DYRK4: variants seen among roughly 807,000 people sequenced by gnomAD.
DYRK4 encodes the protein dual specificity tyrosine phosphorylation regulated kinase 4, also known as dual specificity tyrosine-phosphorylation-regulated kinase 4.
DYRK4 carries 64 observed loss-of-function variants against 68.3 expected under a neutral mutation model. The observed-to-expected ratio is 0.94, with a 90% CI of 0.77 to 1.15. The LOEUF is 1.15. Ranked by LOEUF, DYRK4 falls within the 50% of genes most tolerant of loss-of-function variation. The pLI, the probability that DYRK4 is intolerant of heterozygous loss-of-function variation, is 0.00. For missense variants in DYRK4, 740 were observed against 764.7 expected (o/e 0.97, Z 0.38); for synonymous variants, 274 against 289.9 (o/e 0.95, Z 0.56).
intron 2 of DYRK4, among the ~76,000 whole-genome samples, chr12:4,575,316 T>TGTGTGTGTGTGTGTGTGTGTGTGA (rs1944777580): frequency 6.6e-6 from 1 of 151,680 alleles, no homozygotes; most frequent in Non-Finnish European, 1.5e-5. Context: ...TGTGTGTGTG[T>TGTGTGTGTGTGTGTGTGTGTGTGA]GTGTGTTTTC....
intron 12 of DYRK4, 115 bp from the exon 13 acceptor site, chr12:4,610,040 G>T (rs1210691350): frequency 2.4e-5 from 19 of 781,418 alleles, no homozygotes. Context: ...GTGGCATGAG[G>T]CGAGTGTGTA....
At chr12:4,577,459 T>C (rs1026169444) in intron 2 of DYRK4, among the ~76,000 whole-genome samples, 1 of 152,224 alleles carries the variant, frequency 6.6e-6, no homozygotes, top group Non-Finnish European at 1.5e-5. Flanking sequence ...TGTGGGTCTA[T>C]TTATGGGGCC....
chr12:4,593,274 G>A lies in DYRK4; in HGVS notation c.627+109G>A, dbSNP rs542189982. The A allele has an allele frequency of 2.4e-6, 3 of 1,256,524 alleles. No individual in the cohort carries two copies. In the South Asian group the frequency reaches 4.6e-5, roughly 19 times the overall value. 77.8% of individuals were successfully genotyped at this position (1,256,524 alleles called of 1,614,324 possible). A position where few individuals can be genotyped will look rare whatever the true frequency, so the allele number is the denominator to read the frequency against. ...TAGTATTTGGGGCTGATACGTTGGA[G>A]ACTAGATATCCTGAAGTATTCTGGT... On this transcript the variant is annotated intron_variant, in intron 6 of 14. Transcript: ENST00000543431.
At chr12:4,580,134 G>A (rs1268422282) in intron 2 of DYRK4, among the ~76,000 whole-genome samples, 1 of 152,174 alleles carries the variant, frequency 6.6e-6, no homozygotes, top group African/African-American at 2.4e-5. Flanking sequence ...TCTCCCCAAG[G>A]CCCTGCACTG....
intron 1 of DYRK4, among the ~76,000 whole-genome samples, chr12:4,563,930 G>T (rs1394941817): frequency 6.6e-6 from 1 of 152,190 alleles, no homozygotes; most frequent in Non-Finnish European, 1.5e-5. Context: ...GTGTGAAATG[G>T]GTTGCCTAGA....
chr12:4,566,296 G>A (rs1181755442), intron 1 of DYRK4, among the ~76,000 whole-genome samples: 1 of 152,174 alleles, frequency 6.6e-6, no homozygotes, highest in Non-Finnish European at 1.5e-5. Context: ...ACTCTAACTT[G>A]GACTACGTGC....
At chr12:4,577,793 T>C (rs1216266843) in intron 2 of DYRK4, among the ~76,000 whole-genome samples, 2 of 152,224 alleles carry the variant, frequency 1.3e-5, no homozygotes, top group Non-Finnish European at 2.9e-5. Flanking sequence ...TAGATCCTCT[T>C]TGATTTCTTC....
chr12:4,572,874 A>G (rs1282644757), intron 2 of DYRK4: 3 of 166,436 alleles, frequency 1.8e-5, no homozygotes, highest in Admixed American at 5.9e-5. Flanking sequence ...AGACGGGCTT[A>G]TCAGTGAGTG....
intron 2 of DYRK4, among the ~76,000 whole-genome samples, chr12:4,584,919 G>A (rs1944879861): frequency 6.6e-6 from 1 of 152,100 alleles, no homozygotes; most frequent in Non-Finnish European, 1.5e-5. Context: ...GAAACATGAG[G>A]ATGGAGTTTG....
In DYRK4 at chr12:4,596,890, G is replaced by A. The variant is rs1304942578; in HGVS notation, c.905+161G>A. On this transcript the variant is annotated intron_variant, in intron 8 of 14. Transcript: ENST00000543431. Reference sequence around the variant, plus strand: ...CAGAATGCCCAGGAGCAAGGAGGTTGGGATGAAAGCAGGCCATCTTGGTAT... The same window carrying A: ...CAGAATGCCCAGGAGCAAGGAGGTTAGGATGAAAGCAGGCCATCTTGGTAT... The A allele has an allele frequency of 6.8e-6, 10 of 1,467,246 alleles. No individual in the cohort carries two copies. The East Asian group carries it at 2.0e-4, about 29-fold the overall frequency. The allele number at this position is 1,467,246 out of a possible 1,614,324, so 90.9% of individuals were successfully genotyped here. A position where few individuals can be genotyped will look rare whatever the true frequency, so the allele number is the denominator to read the frequency against.
At chr12:4,571,503 C>A (rs986952330) in intron 2 of DYRK4, among the ~76,000 whole-genome samples, 7 of 152,258 alleles carry the variant, frequency 4.6e-5, no homozygotes, top group Non-Finnish European at 1.0e-4. Flanking sequence ...GTGTCAGATA[C>A]ACACCAGAGT....
intron 6 of DYRK4, among the ~76,000 whole-genome samples, chr12:4,594,761 C>T (rs555881185): frequency 6.7e-6 from 1 of 148,192 alleles, no homozygotes; most frequent in East Asian, 2.0e-4. Flanking sequence ...AATGTGTGTT[C>T]TCCGTAAGCT....
At chr12:4,593,643 A>G (rs1448419605) in intron 6 of DYRK4, among the ~76,000 whole-genome samples, 1 of 152,150 alleles carries the variant, frequency 6.6e-6, no homozygotes, top group Admixed American at 6.5e-5. Flanking sequence ...CTGTTTTTTA[A>G]AAAACAATCC....
At chr12:4,583,367 C>T (rs937483638) in intron 2 of DYRK4, among the ~76,000 whole-genome samples, 2 of 151,966 alleles carry the variant, frequency 1.3e-5, no homozygotes, top group East Asian at 1.9e-4. Context: ...CCCACCCCAA[C>T]GCCATGTGAC....
chr12:4,583,493 C>G (rs1326186966), intron 2 of DYRK4, among the ~76,000 whole-genome samples: 1 of 152,026 alleles, frequency 6.6e-6, no homozygotes, highest in East Asian at 1.9e-4. Context: ...CACTCGCTAC[C>G]CCGTGCTCTG....
At chr12:4,599,229 C>A in intron 9 of DYRK4, 63 bp downstream of exon 9, 2 of 1,473,396 alleles carry the variant, frequency 1.4e-6, no homozygotes, top group East Asian at 2.3e-5. Flanking sequence ...TTCCCCAGGC[C>A]GTGTAACAAT....
intron 8 of DYRK4, 191 bp downstream of exon 8, chr12:4,596,920 G>A (rs1945024480): frequency 7.0e-7 from 1 of 1,433,560 alleles, no homozygotes; most frequent in African/African-American, 1.4e-5. Flanking sequence ...TGGTATGCCT[G>A]TCACCTGCCA....
At chr12:4,581,436 C>T (rs544492968) in intron 2 of DYRK4, among the ~76,000 whole-genome samples, 28 of 152,310 alleles carry the variant, frequency 1.8e-4, no homozygotes, top group African/African-American at 6.7e-4. Context: ...AAAGCGCTTC[C>T]TTTTCCAGGC....
chr12:4,583,313 A>G (rs1219269947), intron 2 of DYRK4, among the ~76,000 whole-genome samples: 1 of 151,406 alleles, frequency 6.6e-6, no homozygotes, highest in Non-Finnish European at 1.5e-5. Context: ...ACATCTCAGC[A>G]CTTTTGCTCC....
Sources: allele counts gnomAD v4.1 joint callset (sites outside exome capture counted in the v4.1 genomes callset), GRCh38; gene constraint gnomAD v4.1.1; transcripts MANE v1.5; gene names NCBI Gene and HGNC (gene_info 2026-07-23, HGNC 2026-07-21).